The following TRIQK variants were observed in gnomAD, a reference collection of about 807,000 sequenced individuals.
The protein encoded by TRIQK is triple QxxK/R motif containing.
A neutral mutation model predicts 10.8 loss-of-function variants in TRIQK; 10 were observed. The ratio of observed to expected loss-of-function variants is 0.92; its 90% confidence interval spans 0.57 to 1.57. TRIQK has a LOEUF of 1.57. Among genes scored for constraint, TRIQK ranks in the 40% most tolerant of loss-of-function variants. The pLI is 0.00. For synonymous variants in TRIQK, 33 were observed against 33.7 expected (o/e 0.98, Z 0.07); for missense variants, 107 against 97.7 (o/e 1.09, Z -0.40).
chr8:92,979,280 T>G (rs1470411563), intron 1 of TRIQK, among the ~76,000 whole-genome samples: 1 of 152,138 alleles, frequency 6.6e-6, no homozygotes, highest in East Asian at 1.9e-4. Flanking sequence ...CAATGTCAGA[T>G]CACGTTATAG....
intron 4 of TRIQK, among the ~76,000 whole-genome samples, chr8:92,888,128 G>T (rs1316858870): frequency 6.6e-6 from 1 of 151,598 alleles, no homozygotes; most frequent in Non-Finnish European, 1.5e-5. Context: ...TTAAGAGGAT[G>T]TAATAAACAA....
chr8:92,968,597 T>C (rs1385893034), upstream of TRIQK, among the ~76,000 whole-genome samples: 2 of 152,222 alleles, frequency 1.3e-5, no homozygotes, highest in Non-Finnish European at 2.9e-5. Context: ...CATAAATGTA[T>C]TCTTTTGAAA....
chr8:92,953,817 T>G (rs1812033773), intron 2 of TRIQK: 1 of 151,900 alleles, frequency 6.6e-6, no homozygotes, highest in South Asian at 2.1e-4. Flanking sequence ...TTTAAAGGCT[T>G]TGAGTAGAGT....
intron 1 of TRIQK, among the ~76,000 whole-genome samples, chr8:92,986,769 G>C (rs1360287590): frequency 6.6e-6 from 1 of 152,136 alleles, no homozygotes; most frequent in African/African-American, 2.4e-5. Context: ...TCGATGTTCT[G>C]CAATGATTCA....
intron 2 of TRIQK, chr8:92,922,669 T>C (rs1810248967): frequency 6.6e-6 from 1 of 151,820 alleles, no homozygotes; most frequent in Non-Finnish European, 1.5e-5. Flanking sequence ...TGAATTTTAC[T>C]TATATGTTAA....
intron 2 of TRIQK, among the ~76,000 whole-genome samples, chr8:92,951,279 T>C (rs544136087): frequency 2.0e-5 from 3 of 152,150 alleles, no homozygotes; most frequent in Admixed American, 1.3e-4. Context: ...TCCATTTCTG[T>C]ATGTAAGGAG....
chr8:92,920,995 T>G (rs533852660), intron 2 of TRIQK, among the ~76,000 whole-genome samples: 2 of 151,692 alleles, frequency 1.3e-5, no homozygotes, highest in East Asian at 1.9e-4. Flanking sequence ...AACTTCTATT[T>G]CAGTATAGTG....
intron 1 of TRIQK, among the ~76,000 whole-genome samples, chr8:93,000,617 CAAAT>C (rs1177794263): frequency 6.6e-6 from 1 of 152,004 alleles, no homozygotes; most frequent in African/African-American, 2.4e-5. Flanking sequence ...ATCAATATCT[CAAAT>C]AAGTTGTTAA....
chr8:92,904,550 C>T (rs1358060238), intron 3 of TRIQK, among the ~76,000 whole-genome samples: 1 of 152,074 alleles, frequency 6.6e-6, no homozygotes, highest in East Asian at 1.9e-4. Flanking sequence ...AAGTCCCTAG[C>T]ACATGGTCAT....
rs542120829 is a variant in TRIQK at position 92,884,778 on chromosome 8, G to A, written c.*1844C>T. 2 of 442,574 alleles carry A rather than the reference G, an allele frequency of 4.5e-6. No homozygotes were observed. Among genetic ancestry groups the A allele is most frequent in the East Asian group, 7.1e-5 (1 of 14,010 alleles). 27.4% of individuals were successfully genotyped at this position (442,574 alleles called of 1,614,324 possible). A position where few individuals can be genotyped will look rare whatever the true frequency, so the allele number is the denominator to read the frequency against. On this transcript the variant is annotated 3_prime_UTR_variant, in exon 5 of 5. Transcript: ENST00000521988. ...ACTAGAAATAATCTTTATTTAATAC[G>A]ACTGTTTTAACACCATATGGAACGG...
At chr8:93,007,958 C>T (rs894400543) in intron 1 of TRIQK, among the ~76,000 whole-genome samples, 1 of 152,148 alleles carries the variant, frequency 6.6e-6, no homozygotes, top group Non-Finnish European at 1.5e-5. Flanking sequence ...TACCATACGG[C>T]CATAAAAAGA....
chr8:92,948,131 A>G (rs1158644169), intron 2 of TRIQK, among the ~76,000 whole-genome samples: 1 of 152,228 alleles, frequency 6.6e-6, no homozygotes, highest in Non-Finnish European at 1.5e-5. Context: ...ATTTGTAGTA[A>G]AGGCACAAAG....
At chr8:92,894,929 T>G (rs111858107) in intron 3 of TRIQK, among the ~76,000 whole-genome samples, 5 of 152,266 alleles carry the variant, frequency 3.3e-5, no homozygotes, top group African/African-American at 1.2e-4. Flanking sequence ...AGTTACCTTA[T>G]TGGTCATCTG....
intron 1 of TRIQK, chr8:92,974,719 A>C (rs1812912831): frequency 6.6e-6 from 1 of 152,262 alleles, no homozygotes; most frequent in Admixed American, 6.6e-5. Flanking sequence ...GATGCTGGCC[A>C]GTGGCCCTGA....
rs1816324826 is a variant in TRIQK at position 92,883,696 on chromosome 8, A to C, written c.*2926T>G. The C allele has an allele frequency of 1.3e-5, 2 of 151,772 alleles. No individual in the cohort carries two copies. The highest frequency in any genetic ancestry group is 4.1e-4 in the South Asian group (2 of 4,826). 9.4% of individuals were successfully genotyped at this position (151,772 alleles called of 1,614,324 possible). ...GATGACTACACTACTGCAATTACAG[A>C]AATGAGTAAGAACATACTCTCAAGA... On this transcript the variant is annotated 3_prime_UTR_variant, in exon 5 of 5. Transcript: ENST00000521988.
chr8:92,994,810 T>C (rs1813136134), intron 1 of TRIQK, among the ~76,000 whole-genome samples: 1 of 152,020 alleles, frequency 6.6e-6, no homozygotes, highest in Non-Finnish European at 1.5e-5. Context: ...AGAACACTTT[T>C]GATTTTTGTT....
At chr8:92,930,211 C>T (rs867989037) in intron 2 of TRIQK, among the ~76,000 whole-genome samples, 75 of 150,512 alleles carry the variant, frequency 5.0e-4, no homozygotes, top group African/African-American at 1.6e-3. Flanking sequence ...AACACCCCCC[C>T]ACCCACGTCT....
At chr8:92,965,102 T>C (rs1474967443) in intron 1 of TRIQK, 1 of 152,304 alleles carries the variant, frequency 6.6e-6, no homozygotes, top group Non-Finnish European at 1.5e-5. Context: ...CACACCATAC[T>C]TGTTGATCAT....
At chr8:92,962,294 C>A (rs991813154) in intron 1 of TRIQK, among the ~76,000 whole-genome samples, 2 of 152,108 alleles carry the variant, frequency 1.3e-5, no homozygotes, top group African/African-American at 4.8e-5. Context: ...AAGACATTAA[C>A]ACTTTGAGTC....
Sources: allele counts gnomAD v4.1 joint callset (sites outside exome capture counted in the v4.1 genomes callset), GRCh38; gene constraint gnomAD v4.1.1; transcripts MANE v1.5; gene names NCBI Gene and HGNC (gene_info 2026-07-23, HGNC 2026-07-21).